Variants in PAPPA2 observed in about 807,000 individuals in gnomAD.
PAPPA2 encodes the protein pappalysin-2.
PAPPA2 carries 86 observed loss-of-function variants against 176.4 expected under a neutral mutation model. The ratio of observed to expected loss-of-function variants is 0.49; its 90% CI spans 0.41 to 0.58. PAPPA2 has a LOEUF of 0.58. Ranked by LOEUF, PAPPA2 falls within the 20% of genes least tolerant of loss-of-function variation. The pLI, the probability that PAPPA2 is intolerant of heterozygous loss-of-function variation, is 0.00. For missense variants in PAPPA2, 2,073 were observed against 2,256.9 expected (o/e 0.92, Z 1.65); for synonymous variants, 809 against 852.2 (o/e 0.95, Z 0.88).
intron 12 of PAPPA2, among the ~76,000 whole-genome samples, chr1:176,721,913 GTTC>G (rs1273595539): frequency 6.7e-6 from 1 of 148,794 alleles, no homozygotes; most frequent in Admixed American, 6.7e-5. Context: ...TAACTTTTCT[GTTC>G]TTCTGTTTGT....
At chr1:176,673,101 A>ATTTG (rs1357532578) in intron 4 of PAPPA2, among the ~76,000 whole-genome samples, 2 of 152,150 alleles carry the variant, frequency 1.3e-5, no homozygotes, top group African/African-American at 4.8e-5. Context: ...CAGAAAACAA[A>ATTTG]TTTGTAAGTC....
intron 2 of PAPPA2, among the ~76,000 whole-genome samples, chr1:176,581,988 A>G (rs571871450): frequency 2.1e-5 from 3 of 143,056 alleles, no homozygotes; most frequent in Non-Finnish European, 3.0e-5. Context: ...CAGTGGCACA[A>G]TCTCGGCTCA....
At chr1:176,645,067 T>A (rs1657320055) in intron 3 of PAPPA2, among the ~76,000 whole-genome samples, 1 of 151,884 alleles carries the variant, frequency 6.6e-6, no homozygotes, top group South Asian at 2.1e-4. Context: ...TCCATCACCT[T>A]ACATATTTGT....
intron 14 of PAPPA2, among the ~76,000 whole-genome samples, chr1:176,744,739 A>G (rs1662832174): frequency 6.6e-6 from 1 of 152,172 alleles, no homozygotes; most frequent in African/African-American, 2.4e-5. Context: ...CTTCATTACT[A>G]TTCTCTCTTT....
At chr1:176,799,264 A>G (rs1428359124) in intron 20 of PAPPA2, among the ~76,000 whole-genome samples, 1 of 152,234 alleles carries the variant, frequency 6.6e-6, no homozygotes, top group East Asian at 1.9e-4. Context: ...ATTTTAAACT[A>G]TAAAAAGAAA....
At chr1:176,690,000 C>T in intron 4 of PAPPA2, 137 bp from the exon 5 acceptor site, 1 of 760,742 alleles carries the variant, frequency 1.3e-6, no homozygotes, top group Non-Finnish European at 2.1e-6. Flanking sequence ...AAAGCAATGA[C>T]TGTATGTTAC....
chr1:176,734,954 A>G (rs1228747869), intron 12 of PAPPA2, among the ~76,000 whole-genome samples: 3 of 152,108 alleles, frequency 2.0e-5, no homozygotes, highest in African/African-American at 7.2e-5. Flanking sequence ...ACAAACATCA[A>G]TAAGTTTTCT....
chr1:176,750,839 G>C (rs928608331), intron 14 of PAPPA2, among the ~76,000 whole-genome samples: 2 of 152,040 alleles, frequency 1.3e-5, no homozygotes, highest in Admixed American at 1.3e-4. Context: ...ATGAGTTCAC[G>C]CATTGTGTTA....
At chr1:176,501,017 G>A (rs1039792124) in intron 1 of PAPPA2, among the ~76,000 whole-genome samples, 17 of 149,804 alleles carry the variant, frequency 1.1e-4, no homozygotes, top group Non-Finnish European at 1.9e-4. Context: ...CATAAAATAT[G>A]TTTTATTTTA....
At chr1:176,810,355 C>T (rs1203315971) in intron 21 of PAPPA2, among the ~76,000 whole-genome samples, 2 of 152,078 alleles carry the variant, frequency 1.3e-5, no homozygotes, top group African/African-American at 4.8e-5. Flanking sequence ...CTTTCTGGAA[C>T]CAGCGACTAG....
At chr1:176,568,769 T>G (rs1361345280) in intron 2 of PAPPA2, among the ~76,000 whole-genome samples, 1 of 152,224 alleles carries the variant, frequency 6.6e-6, no homozygotes, top group Non-Finnish European at 1.5e-5. Flanking sequence ...TTGGCCCTGT[T>G]GTGTTCATCC....
chr1:176,540,467 C>G (rs1324382433), intron 1 of PAPPA2, among the ~76,000 whole-genome samples: 1 of 152,206 alleles, frequency 6.6e-6, no homozygotes, highest in Non-Finnish European at 1.5e-5. Flanking sequence ...GCACTGATAG[C>G]AATGTCTTAC....
At chr1:176,623,779 C>CTTTCTTTCTTTA (rs1321300015) in intron 3 of PAPPA2, among the ~76,000 whole-genome samples, 12 of 104,432 alleles carry the variant, frequency 1.1e-4, no homozygotes, top group Admixed American at 2.2e-4. Context: ...TTCTTTCTTT[C>CTTTCTTTCTTTA]TTTCTTTCTT....
At chr1:176,546,518 A>G (rs1366750524) in intron 1 of PAPPA2, among the ~76,000 whole-genome samples, 1 of 152,240 alleles carries the variant, frequency 6.6e-6, no homozygotes, top group African/African-American at 2.4e-5. Flanking sequence ...CAATAGGAAT[A>G]GTCAATATAA....
chr1:176,817,274 G>A (rs1666443200), intron 21 of PAPPA2, among the ~76,000 whole-genome samples: 1 of 152,146 alleles, frequency 6.6e-6, no homozygotes. Context: ...TGAGCACAGG[G>A]CACAGGAGTT....
intron 3 of PAPPA2, among the ~76,000 whole-genome samples, chr1:176,634,928 T>C (rs1656594420): frequency 6.7e-6 from 1 of 149,866 alleles, no homozygotes; most frequent in Non-Finnish European, 1.5e-5. Context: ...TAGATGATGA[T>C]GATGATGATA....
chr1:176,751,276 C>T (rs1351869484), intron 14 of PAPPA2, among the ~76,000 whole-genome samples: 3 of 151,770 alleles, frequency 2.0e-5, no homozygotes, highest in Admixed American at 6.6e-5. Flanking sequence ...AGGACATAGG[C>T]GTGGGCAAGG....
intron 3 of PAPPA2, among the ~76,000 whole-genome samples, chr1:176,653,080 G>T (rs1288118027): frequency 1.3e-5 from 2 of 151,700 alleles, no homozygotes; most frequent in Admixed American, 6.6e-5. Flanking sequence ...ACTTTAAGCA[G>T]GAGTTACAAC....
intron 8 of PAPPA2, among the ~76,000 whole-genome samples, chr1:176,701,656 G>A (rs902034976): frequency 1.9e-4 from 29 of 152,266 alleles, no homozygotes; most frequent in South Asian, 2.1e-4. Flanking sequence ...GGCTTTGTGG[G>A]TGAGTTGAAA....
Sources: allele counts gnomAD v4.1 joint callset (sites outside exome capture counted in the v4.1 genomes callset), GRCh38; gene constraint gnomAD v4.1.1; transcripts MANE v1.5; gene names NCBI Gene and HGNC (gene_info 2026-07-23, HGNC 2026-07-21).